RBPJ: variants seen among roughly 807,000 people sequenced by gnomAD.
RBPJ encodes the protein recombination signal binding protein for immunoglobulin kappa J region.
RBPJ carries 9 observed loss-of-function variants against 67.8 expected under a neutral mutation model. That is an observed-to-expected ratio of 0.13 (90% confidence interval 0.08 to 0.23). The LOEUF (loss-of-function observed/expected upper bound fraction) is 0.23, where lower values mean the gene tolerates loss of function less well. Among genes scored for constraint, RBPJ ranks in the 10% least tolerant of loss-of-function variants. RBPJ has a pLI of 1.00. For missense variants in RBPJ, 305 were observed against 595.6 expected, an observed-to-expected ratio of 0.51 and a Z score of 5.08; for synonymous variants, 198 against 203.3, an observed-to-expected ratio of 0.97 and a Z score of 0.22.
At chr4:26,139,979 C>A in the RBPJ span, among the ~76,000 whole-genome samples, 1 of 152,080 alleles carries the variant, frequency 6.6e-6, no homozygotes, top group Non-Finnish European at 1.5e-5. Context: ...GAGAGCATAC[C>A]CCTGATGATG....
chr4:26,350,680 C>T (rs1422275051), intron 1 of RBPJ, among the ~76,000 whole-genome samples: 1 of 152,128 alleles, frequency 6.6e-6, no homozygotes, highest in Non-Finnish European at 1.5e-5. Context: ...CAAGAAGAAA[C>T]AGCAAATGTA....
At chr4:26,329,448 G>A (rs554907718) in intron 1 of RBPJ, among the ~76,000 whole-genome samples, 3 of 152,314 alleles carry the variant, frequency 2.0e-5, no homozygotes, top group East Asian at 3.9e-4. Flanking sequence ...GCAGGGTGAT[G>A]TAGGGAACTT....
intron 1 of RBPJ, among the ~76,000 whole-genome samples, chr4:26,371,404 C>G (rs1729147690): frequency 6.6e-6 from 1 of 152,138 alleles, no homozygotes; most frequent in African/African-American, 2.4e-5. Flanking sequence ...ATAATACAAG[C>G]TTATAACTTT....
chr4:26,356,956 A>G (rs1170881096), intron 1 of RBPJ, among the ~76,000 whole-genome samples: 1 of 152,240 alleles, frequency 6.6e-6, no homozygotes, highest in East Asian at 1.9e-4. Flanking sequence ...AGGATTCCAC[A>G]TAGAGAAGTG....
intron 2 of RBPJ, among the ~76,000 whole-genome samples, chr4:26,389,254 A>G (rs1015150291): frequency 1.3e-5 from 2 of 151,880 alleles, no homozygotes; most frequent in African/African-American, 4.8e-5. Context: ...AATCCTGAGT[A>G]CAGAAACCAC....
At chr4:26,409,660 C>G (rs1733827860) in intron 3 of RBPJ, among the ~76,000 whole-genome samples, 1 of 152,118 alleles carries the variant, frequency 6.6e-6, no homozygotes, top group South Asian at 2.1e-4. Context: ...CCACCACGCA[C>G]AGCTAATTTT....
At chr4:26,155,239 C>T in the RBPJ span, among the ~76,000 whole-genome samples, 1 of 152,110 alleles carries the variant, frequency 6.6e-6, no homozygotes, top group Non-Finnish European at 1.5e-5. Context: ...CCATTTCCAG[C>T]TAACTCTTAC....
chr4:26,401,465 G>C (rs1732791724), intron 2 of RBPJ, among the ~76,000 whole-genome samples: 1 of 152,214 alleles, frequency 6.6e-6, no homozygotes, highest in Non-Finnish European at 1.5e-5. Flanking sequence ...GCTTAGAAGA[G>C]TACTGGAAGA....
chr4:26,424,365 G>A lies in RBPJ; in HGVS notation c.520G>A (p.Val174Met). 6.2e-7 allele frequency: 1 copy of A among 1,613,884 alleles called. No homozygotes were observed. Among genetic ancestry groups the A allele is most frequent in the Non-Finnish European group, 8.5e-7 (1 of 1,179,974 alleles). Residue 174 changes from valine (V) to methionine (M), a missense_variant, in exon 6 of 11, where the codon GTG (valine) becomes ATG (methionine). Physicochemically the swap from Val to Met is conservative, Grantham distance 21. This residue lies in a region of RBPJ where 66 missense variants were observed against 226.0 expected (regional missense o/e 0.29). Transcript: ENST00000355476. This position sits in a 1 kb window ranked among gnomAD's most constrained non-coding sequence, Gnocchi z 5.3. Reference protein sequence around the residue: ...ADLCIASGTKVALFNRLRSQT... With the variant: ...ADLCIASGTKMALFNRLRSQT... ...AGTATGCATTGCCTCAGGAACAAAG[G>A]TGGCTCTGTTTAATCGACTACGATC...
At position 26,309,033 on chromosome 4, in the gene RBPJ, A is replaced by C. The variant is rs1013129874; in HGVS notation, c.-166-53413A>C. On this transcript the variant is annotated intron_variant, in intron 1 of 4. Transcript: ENST00000512351. ...AATTTATTATCCACATAATTATCTA[A>C]TTTTTTTTTTTTTTTTTTGAGACAG... is the stretch of plus-strand genomic sequence containing the variant. 2.1e-5 allele frequency among the ~76,000 whole-genome samples: 3 copies of C among 141,248 alleles called. 1 individual carries two copies. Among genetic ancestry groups the C allele is most frequent in the Admixed American group, 1.4e-4 (2 of 14,064 alleles). The allele number at this position is 141,248 out of a possible 152,430, so 92.7% of individuals were successfully genotyped here.
chr4:26,371,496 T>A (rs1238430173), intron 1 of RBPJ, among the ~76,000 whole-genome samples: 4 of 151,074 alleles, frequency 2.6e-5, no homozygotes, highest in Non-Finnish European at 5.9e-5. Context: ...AAATATTGAG[T>A]GTGCATTTCC....
At chr4:26,359,413 AT>A (rs56112785) in intron 1 of RBPJ, among the ~76,000 whole-genome samples, 2,773 of 129,030 alleles carry the variant, frequency 0.021, 68 homozygotes, top group African/African-American at 0.066. Context: ...TAACACCTTC[AT>A]TTTTTTTTTT....
chr4:26,292,040 C>T (rs181446873), intron 1 of RBPJ, among the ~76,000 whole-genome samples: 1 of 150,786 alleles, frequency 6.6e-6, no homozygotes, highest in Admixed American at 6.6e-5. Context: ...TAACACATCC[C>T]TCACGTCACA....
intron 1 of RBPJ, among the ~76,000 whole-genome samples, chr4:26,381,531 T>C (rs1730334866): frequency 6.6e-6 from 1 of 152,200 alleles, no homozygotes; most frequent in Admixed American, 6.5e-5. Context: ...AATCATTGTT[T>C]TCTTAGAAGA....
At chr4:26,160,154 G>A (rs553723233), upstream of RBPJ, among the ~76,000 whole-genome samples, 20 of 152,254 alleles carry the variant, frequency 1.3e-4, no homozygotes, top group East Asian at 5.8e-4. Context: ...TCCTGATCTC[G>A]TGATCTGCCC....
Position 26,381,244 on chromosome 4 carries a change from G to T in RBPJ, c.21-5109G>T, listed in dbSNP as rs1030158170. Among the ~76,000 whole-genome samples, 5 of 151,964 alleles carry T rather than the reference G, an allele frequency of 3.3e-5. No homozygotes were observed. In the East Asian group the frequency reaches 9.6e-4, roughly 29 times the overall value. On this transcript the variant is annotated intron_variant, in intron 1 of 10. Coordinates refer to ENST00000355476, the MANE Select transcript of RBPJ (RefSeq NM_015874.6). The stretch of plus-strand genomic sequence containing the variant: ...CATATTCACCTATCTATTTAAGGAA[G>T]TATATAGAAGCAAATTATGTGGTTT...
rs1230330085 is a variant in RBPJ, at chr4:26,434,369, A to G, written c.*3362A>G. 1 of 152,248 alleles carries G rather than the reference A, an allele frequency of 6.6e-6. No homozygotes were observed. Among genetic ancestry groups the G allele is most frequent in the Non-Finnish European group, 1.5e-5 (1 of 68,040 alleles). The allele number at this position is 152,248 out of a possible 1,614,324, so 9.4% of individuals were successfully genotyped here. ...ACTAACCTAACTAGTCATGCTAACC[A>G]GAAAATCCACTGGGGAGGAGGTTCC... On this transcript the variant is annotated 3_prime_UTR_variant, in exon 11 of 11. Transcript: ENST00000355476.
At chr4:26,297,922 A>G (rs1009051309) in intron 1 of RBPJ, among the ~76,000 whole-genome samples, 2 of 151,800 alleles carry the variant, frequency 1.3e-5, no homozygotes, top group African/African-American at 4.8e-5. Context: ...TTTTTTTTAA[A>G]TGCTATTATA....
chr4:26,224,072 A>G (rs1016868756), intron 1 of RBPJ, among the ~76,000 whole-genome samples: 1 of 152,182 alleles, frequency 6.6e-6, no homozygotes, highest in Non-Finnish European at 1.5e-5. Flanking sequence ...ATAAATGTTA[A>G]TGATTGATAT....
Sources: gnomAD v4.1 joint callset for allele counts (sites outside exome capture counted in the v4.1 genomes callset) on GRCh38, gnomAD v4.1.1 for gene constraint, gnomAD v4.1.1 regional missense constraint, Gnocchi (gnomAD v3.1) non-coding constraint, MANE v1.5 for transcripts, NCBI Gene and HGNC (gene_info 2026-07-23, HGNC 2026-07-21) for gene names.